AGBL4: variants seen among roughly 807,000 people sequenced by gnomAD.
AGBL4 encodes the protein AGBL carboxypeptidase 4.
In AGBL4, 58 loss-of-function variants were observed where a neutral mutation model predicts 66.4. The observed-to-expected ratio is 0.87, with a 90% CI of 0.71 to 1.09. The LOEUF is 1.09. Among genes scored for constraint, AGBL4 ranks in the 50% least tolerant of loss-of-function variants. The pLI, the probability that AGBL4 is intolerant of heterozygous loss-of-function variation, is 0.00. For missense variants in AGBL4, 579 were observed against 631.0 expected (o/e 0.92, Z 0.88); for synonymous variants, 234 against 222.9 (o/e 1.05, Z -0.44).
chr1:49,870,395 ATAAC>A (rs1406041952), intron 1 of AGBL4, among the ~76,000 whole-genome samples: 2 of 152,124 alleles, frequency 1.3e-5, no homozygotes, highest in South Asian at 2.1e-4. Flanking sequence ...CAAAATAATA[ATAAC>A]TATCACTTAA....
At chr1:49,451,938 A>C (rs1646285929) in intron 3 of AGBL4, among the ~76,000 whole-genome samples, 1 of 151,942 alleles carries the variant, frequency 6.6e-6, no homozygotes, top group Non-Finnish European at 1.5e-5. Flanking sequence ...GAGTGCAAAA[A>C]AGTATTGAGA....
chr1:49,428,133 T>G (rs1645707717), intron 3 of AGBL4, among the ~76,000 whole-genome samples: 2 of 152,342 alleles, frequency 1.3e-5, no homozygotes, highest in Admixed American at 6.5e-5. Context: ...CCAGCTGGCT[T>G]CACCCCTCAG....
intron 1 of AGBL4, among the ~76,000 whole-genome samples, chr1:49,950,613 A>C (rs1656071672): frequency 6.6e-6 from 1 of 151,838 alleles, no homozygotes; most frequent in Non-Finnish European, 1.5e-5. Context: ...AAGAAAAACA[A>C]AGTAATTTTT....
At chr1:49,033,598 G>A (rs1238007223) in intron 5 of AGBL4, among the ~76,000 whole-genome samples, 1 of 152,002 alleles carries the variant, frequency 6.6e-6, no homozygotes, top group Non-Finnish European at 1.5e-5. Context: ...AAGGTCATCA[G>A]TCCTCTCTCA....
At chr1:50,022,542 C>T (rs1413969737) in intron 1 of AGBL4, among the ~76,000 whole-genome samples, 3 of 151,526 alleles carry the variant, frequency 2.0e-5, no homozygotes, top group Non-Finnish European at 4.4e-5. Context: ...CATAATGGTT[C>T]CTCGAACTTA....
At chr1:49,884,376 A>G (rs560210151) in intron 1 of AGBL4, among the ~76,000 whole-genome samples, 8 of 152,044 alleles carry the variant, frequency 5.3e-5, no homozygotes, top group Middle Eastern at 3.4e-3. Context: ...ATTATTAGTC[A>G]TCATCCTTAT....
At chr1:49,730,103 C>A (rs943538693) in intron 2 of AGBL4, among the ~76,000 whole-genome samples, 1 of 152,154 alleles carries the variant, frequency 6.6e-6, no homozygotes, top group African/African-American at 2.4e-5. Flanking sequence ...CTGGACTCAG[C>A]CACACAGATG....
chr1:49,911,195 C>T (rs1417515647), intron 1 of AGBL4, among the ~76,000 whole-genome samples: 1 of 152,012 alleles, frequency 6.6e-6, no homozygotes, highest in African/African-American at 2.4e-5. Context: ...TGTATAGTGC[C>T]ATAAAGAAAT....
At chr1:49,100,655 A>C in intron 4 of AGBL4, among the ~76,000 whole-genome samples, 1 of 152,182 alleles carries the variant, frequency 6.6e-6, no homozygotes, top group Non-Finnish European at 1.5e-5. Context: ...TGTAAGTCCA[A>C]GTTGGCAATG....
chr1:49,832,856 T>C (rs1163093541), intron 2 of AGBL4, among the ~76,000 whole-genome samples: 1 of 152,196 alleles, frequency 6.6e-6, no homozygotes, highest in African/African-American at 2.4e-5. Flanking sequence ...TTTTTTCTTA[T>C]AAATTTGTTT....
intron 3 of AGBL4, among the ~76,000 whole-genome samples, chr1:49,248,939 C>G (rs1311622398): frequency 1.3e-5 from 2 of 152,138 alleles, no homozygotes; most frequent in Non-Finnish European, 2.9e-5. Context: ...CCACAGTACA[C>G]TGTTAGTCTA....
intron 5 of AGBL4, among the ~76,000 whole-genome samples, chr1:48,904,438 G>A (rs753866878): frequency 5.3e-5 from 8 of 152,192 alleles, no homozygotes; most frequent in Non-Finnish European, 7.3e-5. Context: ...ACTATAAAGC[G>A]AGTAGCATGT....
At chr1:49,088,874 A>G (rs1644953085) in intron 4 of AGBL4, among the ~76,000 whole-genome samples, 1 of 151,574 alleles carries the variant, frequency 6.6e-6, no homozygotes, top group Non-Finnish European at 1.5e-5. Context: ...TCAGCAAATT[A>G]AAAAAAATCA....
At chr1:49,455,384 T>C (rs1646366960) in intron 3 of AGBL4, among the ~76,000 whole-genome samples, 1 of 151,706 alleles carries the variant, frequency 6.6e-6, no homozygotes, top group Admixed American at 6.6e-5. Context: ...AGTGGCATTT[T>C]AAAAAGCACT....
chr1:49,874,960 T>A (rs1367336035), intron 1 of AGBL4, among the ~76,000 whole-genome samples: 2 of 137,366 alleles, frequency 1.5e-5, no homozygotes, highest in Admixed American at 1.5e-4. Flanking sequence ...TATCTCCCAA[T>A]GCTATCCCTC....
chr1:48,872,981 C>A (rs1648836492), intron 5 of AGBL4, among the ~76,000 whole-genome samples: 2 of 152,194 alleles, frequency 1.3e-5, no homozygotes, highest in Non-Finnish European at 2.9e-5. Flanking sequence ...TCACCTCAGG[C>A]TGAGCCTTTG....
At chr1:49,111,811 C>T (rs504011) in intron 4 of AGBL4, among the ~76,000 whole-genome samples, 98,408 of 152,028 alleles carry the variant, frequency 0.65, 32,340 homozygotes, top group Middle Eastern at 0.73. Flanking sequence ...AAAGTCTGTG[C>T]TCAGTAAATA....
chr1:50,013,660 G>T (rs1168091484), intron 1 of AGBL4, among the ~76,000 whole-genome samples: 1 of 152,098 alleles, frequency 6.6e-6, no homozygotes, highest in Non-Finnish European at 1.5e-5. Flanking sequence ...TACAGCTTAG[G>T]AACATATTTC....
At position 48,776,696 on chromosome 1, in the gene AGBL4, C is replaced by T. The variant is rs759856681; in HGVS notation, c.634+90495G>A. ...GGGCTCTCGGGCCCGGCGCCCAATT[C>T]CTCCGGGCCCCGGTACACGGCGTAC... On this transcript the variant is annotated intron_variant, in intron 6 of 13. Transcript: ENST00000371839. The T allele has an allele frequency of 4.0e-6, 6 of 1,517,320 alleles. No homozygotes were observed. The African/African-American group carries it at 4.3e-5, about 11-fold the overall frequency. The allele number at this position is 1,517,320 out of a possible 1,614,324, so 94.0% of individuals were successfully genotyped here.
Sources: allele counts gnomAD v4.1 joint callset (sites outside exome capture counted in the v4.1 genomes callset), GRCh38; gene constraint gnomAD v4.1.1; transcripts MANE v1.5; gene names NCBI Gene and HGNC (gene_info 2026-07-23, HGNC 2026-07-21).